The following PLCH1 variants were observed in gnomAD, a reference collection of about 807,000 sequenced individuals.
The protein encoded by PLCH1 is 1-phosphatidylinositol 4,5-bisphosphate phosphodiesterase eta-1.
PLCH1 carries 60 observed loss-of-function variants against 126.7 expected under a neutral mutation model. That is an observed-to-expected ratio of 0.47 (90% CI 0.38 to 0.59). The LOEUF (loss-of-function observed/expected upper bound fraction) is 0.59. PLCH1 is among the 20% of genes least tolerant of loss of function. The pLI, the probability that PLCH1 is intolerant of heterozygous loss-of-function variation, is 0.00. For synonymous variants in PLCH1, 719 were observed against 734.9 expected (o/e 0.98, Z 0.35); for missense variants, 1,723 against 2,040.0 (o/e 0.84, Z 2.99).
chr3:155,598,811 T>A (rs1273558156), intron 2 of PLCH1, among the ~76,000 whole-genome samples: 1 of 152,174 alleles, frequency 6.6e-6, no homozygotes, highest in East Asian at 1.9e-4. Context: ...CTGAAAACAG[T>A]AGCTGGCACA....
In PLCH1 at chr3:155,506,125, T is replaced by C. The variant is rs560439473; in HGVS notation, c.1633-1499A>G. On this transcript the variant is annotated intron_variant, in intron 12 of 22. Coordinates refer to ENST00000460012, the MANE Select transcript of PLCH1 (RefSeq NM_014996.4). ...TATTATACCCTAAGGATAATGCTAA[T>C]TGCATTACATATATTCTCATTTACT... Among the ~76,000 whole-genome samples the C allele has an allele frequency of 3.2e-4, 48 of 152,246 alleles. 2 individuals carry two copies. In the East Asian group the frequency reaches 8.1e-3, roughly 26 times the overall value.
At chr3:155,674,956 A>G (rs1183065843) in intron 2 of PLCH1, among the ~76,000 whole-genome samples, 1 of 152,210 alleles carries the variant, frequency 6.6e-6, no homozygotes, top group East Asian at 1.9e-4. Context: ...CAAACATATT[A>G]TAAGACAAAA....
intron 12 of PLCH1, among the ~76,000 whole-genome samples, chr3:155,506,265 A>G (rs1476321704): frequency 6.6e-6 from 1 of 152,102 alleles, no homozygotes; most frequent in Non-Finnish European, 1.5e-5. Flanking sequence ...GTTGGTGATA[A>G]AACAGGATTC....
chr3:155,604,618 A>G (rs915980897), intron 2 of PLCH1, among the ~76,000 whole-genome samples: 1 of 152,176 alleles, frequency 6.6e-6, no homozygotes, highest in Admixed American at 6.5e-5. Flanking sequence ...ACCCTTCCAC[A>G]TAACACTTTC....
chr3:155,585,248 C>T (rs1453291268), intron 5 of PLCH1, among the ~76,000 whole-genome samples: 1 of 152,184 alleles, frequency 6.6e-6, no homozygotes, highest in East Asian at 1.9e-4. Flanking sequence ...GTTGTCTCTG[C>T]TCTTACCACC....
intron 2 of PLCH1, among the ~76,000 whole-genome samples, chr3:155,619,583 G>A (rs1736210504): frequency 6.6e-6 from 1 of 151,542 alleles, no homozygotes; most frequent in South Asian, 2.1e-4. Flanking sequence ...CAAATCCCCT[G>A]TTGCTTTAAG....
At chr3:155,674,077 T>G (rs393476) in intron 2 of PLCH1, among the ~76,000 whole-genome samples, 295 of 152,192 alleles carry the variant, frequency 1.9e-3, no homozygotes, top group Non-Finnish European at 3.6e-3. Flanking sequence ...AAAAGGAAAT[T>G]GAGGTTCAGA....
chr3:155,470,514 C>A (rs1482969636), intron 21 of PLCH1, among the ~76,000 whole-genome samples: 1 of 152,092 alleles, frequency 6.6e-6, no homozygotes, highest in Admixed American at 6.5e-5. Flanking sequence ...AGGATATTAT[C>A]CAGGAGAACT....
At chr3:155,574,679 C>T (rs1729696796) in intron 6 of PLCH1, among the ~76,000 whole-genome samples, 2 of 152,190 alleles carry the variant, frequency 1.3e-5, no homozygotes, top group African/African-American at 4.8e-5. Flanking sequence ...CTCAAACTAG[C>T]TACCTCTAAT....
Position 155,497,394 on chromosome 3 carries a change from A to G in PLCH1, c.1820T>C (p.Met607Thr). 1 of 1,613,884 alleles carries G rather than the reference A, an allele frequency of 6.2e-7. No individual in the cohort carries two copies. The highest frequency in any genetic ancestry group is 1.7e-5 in the Admixed American group (1 of 60,026). ...ATCAGAGAGTTCTCGGCAGAGCTTCATGGTTTTCCTTCGGCGACCCAATCT... is the reference window on the plus strand; with the variant it reads ...ATCAGAGAGTTCTCGGCAGAGCTTCGTGGTTTTCCTTCGGCGACCCAATCT... ...LYRLGRRRKT[M>T]KLCRELSDLV... The change falls in exon 15 of 23, where the codon ATG becomes ACG. Residue 607 changes from methionine to threonine, a missense_variant. By Grantham distance (81) the Met-to-Thr change is moderately conservative. This residue lies in a region of PLCH1 where 776 missense variants were observed against 1,062.9 expected (regional missense o/e 0.73). Coordinates refer to ENST00000460012, the MANE Select transcript of PLCH1 (RefSeq NM_014996.4).
intron 11 of PLCH1, among the ~76,000 whole-genome samples, chr3:155,517,840 G>A (rs912387127): frequency 2.6e-5 from 4 of 152,254 alleles, no homozygotes; most frequent in African/African-American, 9.6e-5. Context: ...GCATTTCAAT[G>A]TGAGGAAAAG....
chr3:155,716,011 A>C (rs1747479389), intron 1 of PLCH1, among the ~76,000 whole-genome samples: 1 of 152,226 alleles, frequency 6.6e-6, no homozygotes, highest in African/African-American at 2.4e-5. Context: ...AATTAAGGTT[A>C]AGCATGTGTT....
intron 17 of PLCH1, 47 bp downstream of exon 17, chr3:155,494,094 T>C (rs774894707): frequency 3.5e-6 from 5 of 1,434,822 alleles, no homozygotes; most frequent in Non-Finnish European, 2.9e-6. Flanking sequence ...ATTTAGACTA[T>C]GAAATTAACA....
At chr3:155,639,746 T>G (rs1739177738) in intron 2 of PLCH1, among the ~76,000 whole-genome samples, 1 of 152,198 alleles carries the variant, frequency 6.6e-6, no homozygotes, top group Admixed American at 6.5e-5. Flanking sequence ...TGATATGGTT[T>G]GCATTTGTGT....
chr3:155,503,611 C>T (rs1718228848), intron 13 of PLCH1, among the ~76,000 whole-genome samples: 1 of 151,060 alleles, frequency 6.6e-6, no homozygotes, highest in African/African-American at 2.4e-5. Flanking sequence ...AATCTCGCCT[C>T]ACTGCAACCT....
chr3:155,550,641 G>A (rs143667720), intron 9 of PLCH1, among the ~76,000 whole-genome samples: 7 of 152,264 alleles, frequency 4.6e-5, no homozygotes, highest in Non-Finnish European at 7.4e-5. Context: ...GCAGAAAGGA[G>A]ATCAGGGCTG....
At chr3:155,565,734 C>T (rs1227916106) in intron 7 of PLCH1, among the ~76,000 whole-genome samples, 22 of 146,856 alleles carry the variant, frequency 1.5e-4, no homozygotes, top group African/African-American at 5.6e-4. Flanking sequence ...CTTGCTTTGT[C>T]GCCCAGGCTG....
intron 11 of PLCH1, among the ~76,000 whole-genome samples, chr3:155,520,267 T>G (rs1720907713): frequency 6.6e-6 from 1 of 152,178 alleles, no homozygotes. Flanking sequence ...ACGAACAAGA[T>G]TCATAATCCT....
intron 1 of PLCH1, among the ~76,000 whole-genome samples, chr3:155,727,452 A>G (rs1006764730): frequency 1.3e-5 from 2 of 151,630 alleles, no homozygotes; most frequent in South Asian, 4.2e-4. Flanking sequence ...CAGTGGCACA[A>G]TCTCGGCTCA....
Sources: allele counts gnomAD v4.1 joint callset (sites outside exome capture counted in the v4.1 genomes callset), GRCh38; gene constraint gnomAD v4.1.1; regional missense constraint gnomAD v4.1.1; transcripts MANE v1.5; gene names NCBI Gene and HGNC (gene_info 2026-07-23, HGNC 2026-07-21).